The following INPP5A variants were observed in gnomAD, a reference collection of about 807,000 sequenced individuals.
INPP5A encodes inositol polyphosphate-5-phosphatase A.
A neutral mutation model predicts 65.2 loss-of-function variants in INPP5A; 14 were observed. That is an observed-to-expected ratio of 0.21 (90% CI 0.14 to 0.34). The LOEUF is 0.34. INPP5A is among the 10% of genes least tolerant of loss of function. The probability of loss-of-function intolerance (pLI) is 1.00; values close to 1 mark genes in which losing one functional copy is unlikely to be tolerated. For synonymous variants in INPP5A, 207 were observed against 208.3 expected, an observed-to-expected ratio of 0.99 and a Z score of 0.05; for missense variants, 431 against 545.6, an observed-to-expected ratio of 0.79 and a Z score of 2.09.
intron 1 of INPP5A, among the ~76,000 whole-genome samples, chr10:132,586,509 G>A (rs141710236): frequency 0.014 from 2,125 of 152,296 alleles, 18 homozygotes; most frequent in Middle Eastern, 0.048. Flanking sequence ...TGTGGGAAGT[G>A]GTCAGCCGAG....
At chr10:132,576,013 C>T (rs2133292034) in intron 1 of INPP5A, among the ~76,000 whole-genome samples, 1 of 152,320 alleles carries the variant, frequency 6.6e-6, no homozygotes, top group East Asian at 1.9e-4. Context: ...CATCCCTCCA[C>T]CACAGATGCC....
intron 6 of INPP5A, among the ~76,000 whole-genome samples, chr10:132,701,485 C>T (rs1845436788): frequency 6.6e-6 from 1 of 152,062 alleles, no homozygotes; most frequent in Admixed American, 6.5e-5. Flanking sequence ...CCCTCTGCCT[C>T]CATTTGCCGT....
chr10:132,573,884 G>A (rs2071383176), intron 1 of INPP5A, among the ~76,000 whole-genome samples: 1 of 130,508 alleles, frequency 7.7e-6, no homozygotes, highest in African/African-American at 3.1e-5. Flanking sequence ...GGGTGTGTGT[G>A]CCGTGTGAGG....
intron 2 of INPP5A, among the ~76,000 whole-genome samples, chr10:132,640,474 G>A (rs940879916): frequency 6.6e-6 from 1 of 152,260 alleles, no homozygotes; most frequent in Non-Finnish European, 1.5e-5. Context: ...GATTTGTAGG[G>A]TCCACATTCT....
At chr10:132,640,454 G>A (rs2072412021) in intron 2 of INPP5A, among the ~76,000 whole-genome samples, 1 of 152,378 alleles carries the variant, frequency 6.6e-6, no homozygotes, top group African/African-American at 2.4e-5. Context: ...AGAGGGTGGG[G>A]TTTCCTCTGG....
intron 4 of INPP5A, among the ~76,000 whole-genome samples, chr10:132,657,971 A>G (rs930809617): frequency 8.3e-4 from 127 of 152,328 alleles, no homozygotes; most frequent in African/African-American, 3.0e-3. Context: ...CGGCCCCAGC[A>G]CCTGCAGTCC....
At chr10:132,744,658 A>G (rs1233388020) in intron 9 of INPP5A, among the ~76,000 whole-genome samples, 4 of 152,206 alleles carry the variant, frequency 2.6e-5, no homozygotes, top group African/African-American at 9.7e-5. Flanking sequence ...TTCGGGGGCA[A>G]CGTTGGCTTT....
intron 5 of INPP5A, among the ~76,000 whole-genome samples, chr10:132,693,346 G>T (rs1845298344): frequency 6.6e-6 from 1 of 151,868 alleles, no homozygotes; most frequent in Admixed American, 6.6e-5. Flanking sequence ...AAATGTGAAT[G>T]GTCTAAATAT....
chr10:132,725,726 G>A (rs1845974475), intron 8 of INPP5A, among the ~76,000 whole-genome samples: 1 of 152,214 alleles, frequency 6.6e-6, no homozygotes, highest in Non-Finnish European at 1.5e-5. Flanking sequence ...CTGATTGGAA[G>A]CTCTCACTTT....
intron 9 of INPP5A, among the ~76,000 whole-genome samples, chr10:132,735,956 A>G (rs1846168869): frequency 6.6e-6 from 1 of 152,198 alleles, no homozygotes. Flanking sequence ...AGTCTGTGAA[A>G]GAGGCTCTGT....
chr10:132,716,872 C>T (rs117244029), intron 8 of INPP5A, among the ~76,000 whole-genome samples: 3,861 of 152,350 alleles, frequency 0.025, 49 homozygotes, highest in Middle Eastern at 0.085. Context: ...GCCCTCCTGC[C>T]GCCCTGCACG....
At chr10:132,640,222 A>G (rs1220334391) in intron 2 of INPP5A, among the ~76,000 whole-genome samples, 1 of 152,254 alleles carries the variant, frequency 6.6e-6, no homozygotes, top group African/African-American at 2.4e-5. Context: ...GGTACAGACC[A>G]TAAGCTCAGT....
At chr10:132,600,702 A>G (rs1303579491) in intron 1 of INPP5A, among the ~76,000 whole-genome samples, 1 of 152,236 alleles carries the variant, frequency 6.6e-6, no homozygotes, top group Non-Finnish European at 1.5e-5. Context: ...AAGAGGTTTA[A>G]TTGGACTTAC....
intron 8 of INPP5A, among the ~76,000 whole-genome samples, chr10:132,712,456 C>T (rs533242388): frequency 1.4e-5 from 2 of 147,260 alleles, no homozygotes; most frequent in East Asian, 2.1e-4. Context: ...TGTGTGGGTG[C>T]ATGTGTGGTG....
At chr10:132,577,443 C>A (rs940143370) in intron 1 of INPP5A, among the ~76,000 whole-genome samples, 10 of 152,194 alleles carry the variant, frequency 6.6e-5, no homozygotes, top group Admixed American at 5.9e-4. Context: ...ACGTTTATCT[C>A]GGGCTGCGCA....
At chr10:132,702,752 C>T (rs910464016) in intron 6 of INPP5A, among the ~76,000 whole-genome samples, 5 of 152,234 alleles carry the variant, frequency 3.3e-5, no homozygotes, top group East Asian at 3.9e-4. Flanking sequence ...CACCTCTGCT[C>T]TCTCGTTCCA....
intron 4 of INPP5A, among the ~76,000 whole-genome samples, chr10:132,660,897 G>A (rs138128453): frequency 5.9e-5 from 9 of 152,272 alleles, no homozygotes; most frequent in African/African-American, 2.2e-4. Context: ...ATCCATATTG[G>A]TGCACATTTA....
intron 4 of INPP5A, among the ~76,000 whole-genome samples, chr10:132,664,908 G>T (rs1050230732): frequency 1.8e-4 from 27 of 152,238 alleles, no homozygotes; most frequent in African/African-American, 6.5e-4. Context: ...GCATCCTGCT[G>T]TCTTAAGTAT....
chr10:132,539,283 C>A (rs1297529924), intron 1 of INPP5A, among the ~76,000 whole-genome samples: 1 of 152,192 alleles, frequency 6.6e-6, no homozygotes, highest in African/African-American at 2.4e-5. Context: ...GGTAGGGTGC[C>A]CCCATTTAAC....
Sources: gnomAD v4.1 joint callset for allele counts (sites outside exome capture counted in the v4.1 genomes callset) on GRCh38, gnomAD v4.1.1 for gene constraint, MANE v1.5 for transcripts, NCBI Gene and HGNC (gene_info 2026-07-23, HGNC 2026-07-21) for gene names.